RBMXL3: variants seen among roughly 807,000 people sequenced by gnomAD.
RBMXL3 encodes the protein RNA-binding motif protein, X-linked-like-3.
Under a neutral mutation model 0.8 loss-of-function variants are expected in RBMXL3, and 2 were observed. The ratio of observed to expected loss-of-function variants is 2.54; its 90% confidence interval spans 1.04 to 8.00. RBMXL3 has a LOEUF of 8.00. Among genes scored for constraint, RBMXL3 ranks in the 30% most tolerant of loss-of-function variants. The pLI, the probability that RBMXL3 is intolerant of heterozygous loss-of-function variation, is 0.04. For missense variants in RBMXL3, 1,127 were observed against 1,068.0 expected (o/e 1.06, Z -0.77); for synonymous variants, 447 against 449.8 (o/e 0.99, Z 0.08).
In RBMXL3 at chrX:115,191,833, G is replaced by C. The variant is rs1556560252; in HGVS notation, c.2392G>C (p.Ala798Pro). ...CAACAGCGGAGGCCGCTCACCCAAT[G>C]CCTACAGCGGGGGCCACAACAGTTC... Reference protein sequence around the residue: ...DANSGGRSPNAYSGGHNSSSR... With the variant: ...DANSGGRSPNPYSGGHNSSSR... Residue 798 changes from alanine (A) to proline (P), a missense_variant, in exon 1 of 1, where the codon GCC (alanine) becomes CCC (proline). Coordinates refer to ENST00000424776, the MANE Select transcript of RBMXL3 (RefSeq NM_001145346.2). The C allele has an allele frequency of 8.7e-7, 1 of 1,151,390 alleles. No individual in the cohort carries two copies. Among genetic ancestry groups the C allele is most frequent in the Admixed American group, 2.7e-5 (1 of 37,699 alleles). 94.9% of individuals were successfully genotyped at this position (1,151,390 alleles called of 1,213,427 possible).
Position 115,191,808 on chromosome X carries a change from C to T in RBMXL3, c.2367C>T (p.Ala789=). The change falls in exon 1 of 1, where the codon GCC becomes GCT. Residue 789 remains alanine, a synonymous_variant. Coordinates refer to ENST00000424776, the MANE Select transcript of RBMXL3 (RefSeq NM_001145346.2). ...YEEYRGRSLD[A]NSGGRSPNAY... is the part of the protein sequence containing the mutation. ...AGTACCGAGGCCGCTCGCTCGATGC[C>T]AACAGCGGAGGCCGCTCACCCAATG... 1 of 1,153,344 alleles carries T rather than the reference C, an allele frequency of 8.7e-7. No individual in the cohort carries two copies. The highest frequency in any genetic ancestry group is 1.2e-6 in the Non-Finnish European group (1 of 863,262).
In RBMXL3 at chrX:115,192,793, G is replaced by T; in HGVS notation, c.*148G>T. ...TTAAGATCTCCATTTTTATGCTTTTGTGAGGAAAAACTTAAAATTAGTTTG... is the reference window on the plus strand; with the variant it reads ...TTAAGATCTCCATTTTTATGCTTTTTTGAGGAAAAACTTAAAATTAGTTTG... On this transcript the variant is annotated 3_prime_UTR_variant, in exon 1 of 1. Transcript: ENST00000424776. 1 of 588,231 alleles carries T rather than the reference G, an allele frequency of 1.7e-6. No individual in the cohort carries two copies. The highest frequency in any genetic ancestry group is 2.6e-6 in the Non-Finnish European group (1 of 379,390). 48.5% of individuals were successfully genotyped at this position (588,231 alleles called of 1,213,427 possible).
In RBMXL3 at chrX:115,189,751, C is replaced by A; in HGVS notation, c.310C>A (p.Arg104Ser). The A allele has an allele frequency of 8.6e-7, 1 of 1,166,662 alleles. No homozygotes were observed. Among genetic ancestry groups the A allele is most frequent in the Non-Finnish European group, 1.1e-6 (1 of 872,364 alleles). Residue 104 changes from arginine to serine, a missense_variant, in exon 1 of 1, where the codon CGC (arginine) becomes AGC (serine). Arg to Ser is a moderately radical substitution (Grantham distance 110, BLOSUM62 -1). Coordinates refer to ENST00000424776, the MANE Select transcript of RBMXL3 (RefSeq NM_001145346.2). Reference sequence around the variant, plus strand: ...CCCGCCAACCCCCGGCAGCGGCAGTCGCTCAAGGTTCTCACACAGAACCCG... The same window carrying A: ...CCCGCCAACCCCCGGCAGCGGCAGTAGCTCAAGGTTCTCACACAGAACCCG... ...WVPPTPGSGS[R>S]SRFSHRTRGG... is the part of the protein sequence containing the mutation.
rs782512086 is a variant in RBMXL3 at position 115,191,842 on chromosome X, G to A, written c.2401G>A (p.Gly801Arg). 134 of 1,150,935 alleles carry A rather than the reference G, an allele frequency of 1.2e-4. No individual in the cohort carries two copies. Among genetic ancestry groups the A allele is most frequent in the Non-Finnish European group, 1.4e-4 (121 of 862,527 alleles). 94.8% of individuals were successfully genotyped at this position (1,150,935 alleles called of 1,213,427 possible). A position where few individuals can be genotyped will look rare whatever the true frequency, so the allele number is the denominator to read the frequency against. ...AGGCCGCTCACCCAATGCCTACAGC[G>A]GGGGCCACAACAGTTCCAGCCGGAA... ...SGGRSPNAYS[G>R]GHNSSSRNDP... The change falls in exon 1 of 1, where the codon GGG (glycine) becomes AGG (arginine). Residue 801 changes from glycine to arginine, a missense_variant. By Grantham distance (125) the Gly-to-Arg change is moderately radical. Coordinates refer to ENST00000424776, the MANE Select transcript of RBMXL3 (RefSeq NM_001145346.2).
Position 115,190,416 on chromosome X carries a change from A to G in RBMXL3, c.975A>G (p.Gly325=). 2 of 1,164,241 alleles carry G rather than the reference A, an allele frequency of 1.7e-6. No homozygotes were observed. The highest frequency in any genetic ancestry group is 2.3e-6 in the Non-Finnish European group (2 of 871,250). The change falls in exon 1 of 1, where the codon GGA becomes GGG. Residue 325 remains glycine (G), a synonymous_variant. Transcript: ENST00000424776. The stretch of plus-strand genomic sequence containing the variant: ...GGGGGACACCGCCATCTTATGGAGG[A>G]GGATGCCGCTACGAGGAGTACCAGG... ...PVWGTPPSYG[G]GCRYEEYQGN... is the part of the protein sequence containing the mutation.
chrX:115,190,476 G>A lies in RBMXL3; in HGVS notation c.1035G>A (p.Ser345=), dbSNP rs949675615. ...NSPDACSEGR[S]SEALPVVLPD... ...CCGATGCCTGCAGTGAAGGCCGCTCGTCCGAGGCCTTGCCAGTCGTCTTGC... is the reference window on the plus strand; with the variant it reads ...CCGATGCCTGCAGTGAAGGCCGCTCATCCGAGGCCTTGCCAGTCGTCTTGC... The change falls in exon 1 of 1, where the codon TCG becomes TCA. Residue 345 remains serine (S), a synonymous_variant. Coordinates refer to ENST00000424776, the MANE Select transcript of RBMXL3 (RefSeq NM_001145346.2). 2.1e-5 allele frequency: 25 copies of A among 1,167,616 alleles called. No homozygotes were observed. Among genetic ancestry groups the A allele is most frequent in the African/African-American group, 7.1e-5 (4 of 56,479 alleles).
Position 115,192,573 on chromosome X carries a change from C to G in RBMXL3, c.3132C>G (p.Gly1044=), listed in dbSNP as rs2072852551. 2 of 1,170,817 alleles carry G rather than the reference C, an allele frequency of 1.7e-6. No individual in the cohort carries two copies. Among genetic ancestry groups the G allele is most frequent in the Non-Finnish European group, 2.3e-6 (2 of 874,473 alleles). The part of the protein sequence containing the change: ...PPLHDSYSRS[G]CRVPRGGGRQ... ...TGCATGATTCTTACAGCCGGTCAGG[C>G]TGCAGGGTGCCCAGGGGCGGAGGCC... Residue 1044 remains glycine (G), a synonymous_variant, in exon 1 of 1, where the codon GGC becomes GGG. Transcript: ENST00000424776.
chrX:115,190,060 G>A lies in RBMXL3; in HGVS notation c.619G>A (p.Ala207Thr). The A allele has an allele frequency of 8.7e-7, 1 of 1,154,877 alleles. No homozygotes were observed. Among genetic ancestry groups the A allele is most frequent in the Non-Finnish European group, 1.2e-6 (1 of 867,057 alleles). Residue 207 changes from alanine to threonine, a missense_variant, in exon 1 of 1, where the codon GCT becomes ACT. By Grantham distance (58) the Ala-to-Thr change is moderately conservative. Transcript: ENST00000424776. ...CTGGGCCGGCCCACCCCACAAGAGG[G>A]CTGTGCCCCGGTCAAGCCTGGCTCG... The part of the protein sequence containing the change: ...RRWAGPPHKR[A>T]VPRSSLARIG...
At position 115,189,802 on chromosome X, in the gene RBMXL3, C is replaced by A. The variant is rs1469677824; in HGVS notation, c.361C>A (p.Pro121Thr). The A allele has an allele frequency of 6.0e-6, 7 of 1,166,232 alleles. No individual in the cohort carries two copies. Among genetic ancestry groups the A allele is most frequent in the Non-Finnish European group, 6.9e-6 (6 of 872,836 alleles). ...TRGGGSSPQR[P>T]PSQGRPDDGR... is the part of the protein sequence containing the mutation. ...TGGGGGTGGCAGCAGCCCACAGCGA[C>A]CCCCCTCTCAGGGCAGGCCTGATGA... The change falls in exon 1 of 1, where the codon CCC becomes ACC. Residue 121 changes from proline (P) to threonine (T), a missense_variant. Pro to Thr is a conservative substitution (Grantham distance 38). Transcript: ENST00000424776.
rs1556556422 is a variant in RBMXL3, at chrX:115,189,797, A to G, written c.356A>G (p.Gln119Arg). Residue 119 changes from glutamine to arginine, a missense_variant, in exon 1 of 1, where the codon CAG becomes CGG. Gln to Arg is a conservative substitution (Grantham distance 43). Transcript: ENST00000424776. ...ACCCGTGGGGGTGGCAGCAGCCCAC[A>G]GCGACCCCCCTCTCAGGGCAGGCCT... ...HRTRGGGSSP[Q>R]RPPSQGRPDD... 1.7e-6 allele frequency: 2 copies of G among 1,167,301 alleles called. No homozygotes were observed. Among genetic ancestry groups the G allele is most frequent in the African/African-American group, 1.8e-5 (1 of 56,535 alleles).
Position 115,192,203 on chromosome X carries a change from C to T in RBMXL3, c.2762C>T (p.Pro921Leu). 2 of 1,165,280 alleles carry T rather than the reference C, an allele frequency of 1.7e-6. No homozygotes were observed. The highest frequency in any genetic ancestry group is 1.9e-5 in the South Asian group (1 of 52,649). The change falls in exon 1 of 1, where the codon CCC (proline) becomes CTC (leucine). Residue 921 changes from proline (P) to leucine (L), a missense_variant. Transcript: ENST00000424776. Reference sequence around the variant, plus strand: ...TACGAGGAATACCAAGGCCGCTCGCCCAATGCCTACGGCGGGGGCCGCGGC... The same window carrying T: ...TACGAGGAATACCAAGGCCGCTCGCTCAATGCCTACGGCGGGGGCCGCGGC... ...GCYEEYQGRS[P>L]NAYGGGRGLN...
At position 115,192,456 on chromosome X, in the gene RBMXL3, C is replaced by T. The variant is rs1274952455; in HGVS notation, c.3015C>T (p.Tyr1005=). The T allele has an allele frequency of 3.4e-6, 4 of 1,168,876 alleles. No individual in the cohort carries two copies. The highest frequency in any genetic ancestry group is 2.6e-5 in the Admixed American group (1 of 39,018). The change falls in exon 1 of 1, where the codon TAC becomes TAT. Residue 1005 remains tyrosine, a synonymous_variant. Coordinates refer to ENST00000424776, the MANE Select transcript of RBMXL3 (RefSeq NM_001145346.2). ...SGDHDRSSNS[Y]GRSDRYSRGR... Reference sequence around the variant, plus strand: ...ACCACGACAGATCCAGCAACAGTTACGGCCGGAGCGACCGCTACTCGAGGG... The same window carrying T: ...ACCACGACAGATCCAGCAACAGTTATGGCCGGAGCGACCGCTACTCGAGGG...
Position 115,190,954 on chromosome X carries a change from G to T in RBMXL3, c.1513G>T (p.Gly505Ter). The change falls in exon 1 of 1, where the codon GGA (glycine) becomes TGA (stop). Residue 505 changes from glycine (G) to a stop codon, truncating the protein, a stop_gained. Transcript: ENST00000424776. LOFTEE classifies it low-confidence loss of function (END_TRUNC). ...HDNSSWSDRY[G>*]VGGHYEENRG... ...CAATTCCAGCTGGAGCGACCGCTAC[G>T]GAGTAGGAGGCCACTATGAGGAGAA... 1.7e-6 allele frequency: 2 copies of T among 1,163,888 alleles called. No individual in the cohort carries two copies. Among genetic ancestry groups the T allele is most frequent in the Non-Finnish European group, 2.3e-6 (2 of 871,919 alleles).
chrX:115,190,497 C>G lies in RBMXL3; in HGVS notation c.1056C>G (p.Val352=), dbSNP rs1450891721. Residue 352 remains valine (V), a synonymous_variant, in exon 1 of 1, where the codon GTC becomes GTG. Coordinates refer to ENST00000424776, the MANE Select transcript of RBMXL3 (RefSeq NM_001145346.2). ...EGRSSEALPV[V]LPDAYSRDHS... is the part of the protein sequence containing the mutation. ...GCTCGTCCGAGGCCTTGCCAGTCGT[C>G]TTGCCAGACGCCTACAGCAGGGACC... The G allele has an allele frequency of 6.0e-6, 7 of 1,167,915 alleles. No individual in the cohort carries two copies. Among genetic ancestry groups the G allele is most frequent in the Non-Finnish European group, 8.0e-6 (7 of 873,190 alleles).
rs1556561209 is a variant in RBMXL3, at chrX:115,192,358, C to T, written c.2917C>T (p.Leu973=). ...GRDSSIKSYG[L]SDRYGGGGHY... is the part of the protein sequence containing the mutation. ...CGACAGTTCCATCAAGAGTTACGGC[C>T]TGAGCGACCGCTACGGAGGAGGAGG... Residue 973 remains leucine, a synonymous_variant, in exon 1 of 1, where the codon CTG becomes TTG. Transcript: ENST00000424776. 4.6e-6 allele frequency: 5 copies of T among 1,081,307 alleles called. No homozygotes were observed. Among genetic ancestry groups the T allele is most frequent in the Non-Finnish European group, 6.2e-6 (5 of 809,327 alleles). The allele number at this position is 1,081,307 out of a possible 1,213,427, so 89.1% of individuals were successfully genotyped here.
chrX:115,190,440 G>C lies in RBMXL3; in HGVS notation c.999G>C (p.Gln333His). 1 of 1,166,561 alleles carries C rather than the reference G, an allele frequency of 8.6e-7. No homozygotes were observed. ...YGGGCRYEEY[Q>H]GNSPDACSEG... ...GAGGATGCCGCTACGAGGAGTACCA[G>C]GGCAACTCGCCCGATGCCTGCAGTG... The change falls in exon 1 of 1, where the codon CAG becomes CAC. Residue 333 changes from glutamine to histidine, a missense_variant. Coordinates refer to ENST00000424776, the MANE Select transcript of RBMXL3 (RefSeq NM_001145346.2).
rs1556558641 is a variant in RBMXL3 at position 115,191,060 on chromosome X, G to T, written c.1619G>T (p.Ser540Ile). 4.3e-6 allele frequency: 5 copies of T among 1,165,109 alleles called. No homozygotes were observed. In the South Asian group the frequency reaches 7.6e-5, roughly 18 times the overall value. The change falls in exon 1 of 1, where the codon AGT (serine) becomes ATT (isoleucine). Residue 540 changes from serine to isoleucine, a missense_variant. Physicochemically the swap from Ser to Ile is moderately radical, Grantham distance 142 (BLOSUM62 -2). Transcript: ENST00000424776. The stretch of plus-strand genomic sequence containing the variant: ...GGGGGCCACAGCAGTTCCAGCAACA[G>T]TTACGGCCAGAGCCACCGCTATGGA... ...HSGGHSSSSN[S>I]YGQSHRYGGE...
At position 115,192,492 on chromosome X, in the gene RBMXL3, G is replaced by A. The variant is rs782732113; in HGVS notation, c.3051G>A (p.Arg1017=). 6.0e-6 allele frequency: 7 copies of A among 1,169,992 alleles called. No individual in the cohort carries two copies. The African/African-American group carries it at 7.1e-5, about 12-fold the overall frequency. The part of the protein sequence containing the change: ...RSDRYSRGRD[R]VGRPDRGLPL... ...ACCGCTACTCGAGGGGTCGAGACCGGGTAGGCAGACCGGATCGTGGGCTCC... is the reference window on the plus strand; with the variant it reads ...ACCGCTACTCGAGGGGTCGAGACCGAGTAGGCAGACCGGATCGTGGGCTCC... The change falls in exon 1 of 1, where the codon CGG becomes CGA. Residue 1017 remains arginine, a synonymous_variant. Transcript: ENST00000424776.
rs782418327 is a variant in RBMXL3, at chrX:115,190,723, G to A, written c.1282G>A (p.Gly428Ser). Reference protein sequence around the residue: ...GGEGRYEEYRGRSHEARSGGR... With the variant: ...GGEGRYEEYRSRSHEARSGGR... ...AGAAGGCCGCTATGAGGAGTACCGA[G>A]GCCGCTCACACGAGGCCCGCAGCGG... Residue 428 changes from glycine (G) to serine (S), a missense_variant, in exon 1 of 1, where the codon GGC (glycine) becomes AGC (serine). By Grantham distance (56) the Gly-to-Ser change is moderately conservative. Transcript: ENST00000424776. 2.9e-5 allele frequency: 34 copies of A among 1,164,013 alleles called. No homozygotes were observed. Among genetic ancestry groups the A allele is most frequent in the South Asian group, 2.7e-4 (14 of 52,513 alleles).
Sources: gnomAD v4.1 joint callset for allele counts on GRCh38, gnomAD v4.1.1 for gene constraint, MANE v1.5 for transcripts, NCBI Gene and HGNC (gene_info 2026-07-23, HGNC 2026-07-21) for gene names.